The following ATP10B variants were observed in gnomAD, a reference collection of about 807,000 sequenced individuals.
The protein encoded by ATP10B is phospholipid-transporting ATPase VB.
A neutral mutation model predicts 141.2 loss-of-function variants in ATP10B; 122 were observed. That is an observed-to-expected ratio of 0.86 (90% CI 0.75 to 1.00). ATP10B has a LOEUF of 1.00. ATP10B is among the 50% of genes least tolerant of loss of function. The pLI, the probability that ATP10B is intolerant of heterozygous loss-of-function variation, is 0.00. For synonymous variants in ATP10B, 685 were observed against 692.0 expected (o/e 0.99, Z 0.16); for missense variants, 1,876 against 1,825.3 (o/e 1.03, Z -0.51).
intron 7 of ATP10B, among the ~76,000 whole-genome samples, chr5:160,663,843 G>A (rs915710657): frequency 5.3e-5 from 8 of 152,076 alleles, no homozygotes; most frequent in African/African-American, 1.2e-4. Flanking sequence ...AACTATGCCC[G>A]AGTTTGAATC....
intron 13 of ATP10B, among the ~76,000 whole-genome samples, chr5:160,631,139 G>A (rs759281120): frequency 3.3e-5 from 5 of 152,184 alleles, no homozygotes; most frequent in Non-Finnish European, 7.3e-5. Context: ...TTCTAATAAA[G>A]GGATGGTAGC....
At chr5:160,604,742 C>T (rs1409096550) in intron 19 of ATP10B, among the ~76,000 whole-genome samples, 2 of 152,158 alleles carry the variant, frequency 1.3e-5, no homozygotes, top group African/African-American at 4.8e-5. Flanking sequence ...ACACGGTCTC[C>T]TTCTATACCA....
In ATP10B at chr5:160,589,583, G is replaced by A. The variant is rs1239922879; in HGVS notation, c.3750+9C>T. 6.2e-7 allele frequency: 1 copy of A among 1,608,182 alleles called. No individual in the cohort carries two copies. Among genetic ancestry groups the A allele is most frequent in the Admixed American group, 1.7e-5 (1 of 60,018 alleles). ...AGTTTTGAAGCCAAAGGGGCTCTGGGACACTTACCCATGTCTTCATTTCCA... is the reference window on the plus strand; with the variant it reads ...AGTTTTGAAGCCAAAGGGGCTCTGGAACACTTACCCATGTCTTCATTTCCA... On this transcript the variant is annotated intron_variant, in intron 24 of 25. Coordinates refer to ENST00000327245, the MANE Select transcript of ATP10B (RefSeq NM_025153.3).
chr5:160,687,341 C>A (rs1403375040), intron 5 of ATP10B, among the ~76,000 whole-genome samples: 1 of 152,038 alleles, frequency 6.6e-6, no homozygotes, highest in African/African-American at 2.4e-5. Flanking sequence ...TAGAACCTGA[C>A]AAATATTTGT....
the ATP10B span, among the ~76,000 whole-genome samples, chr5:160,875,281 A>G: frequency 1.4e-5 from 1 of 69,736 alleles, no homozygotes; most frequent in African/African-American, 3.5e-5. Flanking sequence ...ATCCAGCCAA[A>G]CTAAGCTTCA....
chr5:160,707,707 A>G (rs551631708), intron 3 of ATP10B, among the ~76,000 whole-genome samples: 9 of 152,238 alleles, frequency 5.9e-5, no homozygotes, highest in Non-Finnish European at 1.3e-4. Context: ...TAAAGTCAAA[A>G]TGACTAAGAA....
chr5:160,586,531 T>C (rs1755908515), intron 24 of ATP10B, among the ~76,000 whole-genome samples: 1 of 152,270 alleles, frequency 6.6e-6, no homozygotes, highest in Admixed American at 6.5e-5. Context: ...TTTCTGGTTC[T>C]AGATCCTTGA....
chr5:160,606,633 ACT>A (rs1414699549), intron 19 of ATP10B, 130 bp downstream of exon 19: 2 of 872,058 alleles, frequency 2.3e-6, no homozygotes, highest in Non-Finnish European at 1.7e-6. Context: ...GTCATTTTGA[ACT>A]CTCTCCCTCT....
At chr5:160,927,628 C>T in the ATP10B span, among the ~76,000 whole-genome samples, 1 of 152,144 alleles carries the variant, frequency 6.6e-6, no homozygotes, top group African/African-American at 2.4e-5. Flanking sequence ...CATGATATCT[C>T]CTGTTCCCTT....
the ATP10B span, among the ~76,000 whole-genome samples, chr5:160,874,805 G>T: frequency 6.7e-6 from 1 of 149,876 alleles, no homozygotes; most frequent in Admixed American, 6.7e-5. Context: ...TGAAATGAAT[G>T]AAATGAAGTG....
At chr5:160,780,518 TA>T (rs1253403135) in intron 2 of ATP10B, among the ~76,000 whole-genome samples, 1 of 152,162 alleles carries the variant, frequency 6.6e-6, no homozygotes, top group Admixed American at 6.5e-5. Flanking sequence ...AAATAGTTAT[TA>T]AATCTCCTTT....
intron 5 of ATP10B, among the ~76,000 whole-genome samples, chr5:160,686,477 G>C (rs549203466): frequency 6.6e-6 from 1 of 152,100 alleles, no homozygotes; most frequent in Non-Finnish European, 1.5e-5. Context: ...GTGGTGTTTG[G>C]TTACATGAGT....
chr5:160,573,800 T>G (rs543948795), intron 24 of ATP10B, among the ~76,000 whole-genome samples: 1 of 152,202 alleles, frequency 6.6e-6, no homozygotes, highest in Non-Finnish European at 1.5e-5. Flanking sequence ...ATTTTATCTA[T>G]GTTGAAAGAC....
chr5:160,744,404 T>C (rs1029816535), intron 2 of ATP10B, among the ~76,000 whole-genome samples: 1 of 152,190 alleles, frequency 6.6e-6, no homozygotes, highest in Non-Finnish European at 1.5e-5. Flanking sequence ...GTTGTTTCTA[T>C]CTGGCTGGGG....
chr5:160,761,659 A>C (rs1479590676), intron 2 of ATP10B, among the ~76,000 whole-genome samples: 2 of 152,204 alleles, frequency 1.3e-5, no homozygotes, highest in African/African-American at 4.8e-5. Flanking sequence ...AATTCTGGTA[A>C]TATGACAGAA....
intron 24 of ATP10B, among the ~76,000 whole-genome samples, chr5:160,569,964 T>G (rs185854967): frequency 2.0e-5 from 3 of 152,306 alleles, no homozygotes; most frequent in African/African-American, 7.2e-5. Flanking sequence ...ATCTAGGTTT[T>G]CCAACATAGC....
At chr5:160,635,834 C>T (rs1217624520) in intron 11 of ATP10B, among the ~76,000 whole-genome samples, 3 of 152,216 alleles carry the variant, frequency 2.0e-5, no homozygotes, top group African/African-American at 7.2e-5. Flanking sequence ...CTGTCGCTCA[C>T]TGTGCTACTT....
intron 3 of ATP10B, among the ~76,000 whole-genome samples, chr5:160,701,528 AC>A (rs976212020): frequency 5.3e-4 from 80 of 152,234 alleles, no homozygotes; most frequent in African/African-American, 1.9e-3. Context: ...GAACCTCTGT[AC>A]AAGTCTGGAT....
At chr5:160,825,139 G>A (rs74933470) in intron 1 of ATP10B, among the ~76,000 whole-genome samples, 349 of 152,224 alleles carry the variant, frequency 2.3e-3, no homozygotes, top group Non-Finnish European at 3.5e-3. Flanking sequence ...AGCTGTTTGA[G>A]GTCAGAGACT....
Sources: gnomAD v4.1 joint callset for allele counts (sites outside exome capture counted in the v4.1 genomes callset) on GRCh38, gnomAD v4.1.1 for gene constraint, MANE v1.5 for transcripts, NCBI Gene and HGNC (gene_info 2026-07-23, HGNC 2026-07-21) for gene names.